Variants in PLCL2 observed in about 807,000 individuals in gnomAD.
PLCL2 encodes inactive phospholipase C-like protein 2.
Under a neutral mutation model 79.6 loss-of-function variants are expected in PLCL2, and 4 were observed. The observed-to-expected ratio is 0.05, with a 90% CI of 0.02 to 0.11. The LOEUF is 0.11. Ranked by LOEUF, PLCL2 falls within the 10% of genes least tolerant of loss-of-function variation. The probability of loss-of-function intolerance (pLI) is 1.00; values close to 1 mark genes in which losing one functional copy is unlikely to be tolerated. For synonymous variants in PLCL2, 484 were observed against 457.7 expected, an observed-to-expected ratio of 1.06 and a Z score of -0.73; for missense variants, 895 against 1,291.0, an observed-to-expected ratio of 0.69 and a Z score of 4.70.
rs970089323 is a variant in PLCL2, at chr3:16,886,608, G to A, written c.327+1242G>A. On this transcript the variant is annotated intron_variant, in intron 1 of 5. Coordinates refer to ENST00000615277, the MANE Select transcript of PLCL2 (RefSeq NM_001144382.2). This position sits in a 1 kb window ranked among gnomAD's most constrained non-coding sequence, Gnocchi z 4.2. Reference sequence around the variant, plus strand: ...ATCTGTTTGCGCAGTTTATGTCTGGGCAAGGACACAATTTGAAGGGTTTGG... The same window carrying A: ...ATCTGTTTGCGCAGTTTATGTCTGGACAAGGACACAATTTGAAGGGTTTGG... Among the ~76,000 whole-genome samples, 1 of 152,194 alleles carries A rather than the reference G, an allele frequency of 6.6e-6. No individual in the cohort carries two copies. The highest frequency in any genetic ancestry group is 2.4e-5 in the African/African-American group (1 of 41,448).
In PLCL2 at chr3:16,970,038, T is replaced by TTATATA. The variant is rs71266500; in HGVS notation, c.328-39620_328-39615dup. Among the ~76,000 whole-genome samples the TTATATA allele has an allele frequency of 2.2e-3, 305 of 135,880 alleles. 3 individuals are homozygous for TTATATA. The highest frequency in any genetic ancestry group is 7.6e-3 in the African/African-American group (280 of 36,916). 89.1% of individuals were successfully genotyped at this position (135,880 alleles called of 152,430 possible). On this transcript the variant is annotated intron_variant, in intron 1 of 5. Coordinates refer to ENST00000615277, the MANE Select transcript of PLCL2 (RefSeq NM_001144382.2). ...TTTGAATGATTGTCTTGGCTTTGAT[T>TTATATA]TATATATATATATATATATATTTTA...
chr3:16,945,251 C>G (rs1413692666), intron 1 of PLCL2, among the ~76,000 whole-genome samples: 1 of 151,912 alleles, frequency 6.6e-6, no homozygotes. Context: ...CACACACACA[C>G]ACACACACAC....
chr3:17,059,343 C>T (rs1479292385), intron 4 of PLCL2, among the ~76,000 whole-genome samples: 1 of 146,248 alleles, frequency 6.8e-6, no homozygotes, highest in Non-Finnish European at 1.5e-5. Context: ...TGCACCACTG[C>T]ACTCCAGCCT....
chr3:17,051,549 A>G (rs896202205), intron 4 of PLCL2, among the ~76,000 whole-genome samples: 1 of 152,182 alleles, frequency 6.6e-6, no homozygotes, highest in Admixed American at 6.5e-5. Flanking sequence ...GGGGGAAAAA[A>G]AAGTCACAGT....
intron 3 of PLCL2, among the ~76,000 whole-genome samples, chr3:17,035,180 G>C (rs567035860): frequency 6.6e-6 from 1 of 152,228 alleles, no homozygotes; most frequent in South Asian, 2.1e-4. Context: ...TGTACTCGAG[G>C]TTCTTAGACT....
intron 1 of PLCL2, among the ~76,000 whole-genome samples, chr3:17,001,903 A>G (rs976679287): frequency 4.6e-5 from 7 of 151,688 alleles, no homozygotes; most frequent in Non-Finnish European, 1.0e-4. Flanking sequence ...AATGTCATTG[A>G]TAAGTATTGC....
intron 3 of PLCL2, among the ~76,000 whole-genome samples, chr3:17,035,477 C>G (rs1315951434): frequency 6.6e-6 from 1 of 152,094 alleles, no homozygotes; most frequent in Non-Finnish European, 1.5e-5. Context: ...CCTTGGAGTC[C>G]TCCTCCATGT....
Position 17,011,806 on chromosome 3 carries a change from C to G in PLCL2, c.2460C>G (p.Asn820Lys). 6.2e-7 allele frequency: 1 copy of G among 1,614,202 alleles called. No homozygotes were observed. The highest frequency in any genetic ancestry group is 8.5e-7 in the Non-Finnish European group (1 of 1,180,024). Residue 820 changes from asparagine (N) to lysine (K), a missense_variant, in exon 2 of 6, where the codon AAC becomes AAG. Transcript: ENST00000615277. The surrounding 1 kb of genome is among the most constrained non-coding windows in gnomAD (Gnocchi z 7.9). ...ATGAAAGCTTTGAATTTCAAATCAA[C>G]CTGCCTGAACTGGCCATGGTGCGCT... is the stretch of plus-strand genomic sequence containing the variant. ...IFDESFEFQI[N>K]LPELAMVRFV... is the part of the protein sequence containing the mutation.
intron 1 of PLCL2, among the ~76,000 whole-genome samples, chr3:16,955,597 G>T (rs1447350968): frequency 1.3e-5 from 2 of 152,160 alleles, no homozygotes; most frequent in African/African-American, 4.8e-5. Context: ...GGATGGCATT[G>T]AATCTATAAA....
chr3:17,078,339 G>A (rs1053249607), intron 5 of PLCL2, among the ~76,000 whole-genome samples: 1 of 152,174 alleles, frequency 6.6e-6, no homozygotes, highest in African/African-American at 2.4e-5. Flanking sequence ...TGCTCCATGT[G>A]ATATTAGCTG....
intron 1 of PLCL2, among the ~76,000 whole-genome samples, chr3:16,997,495 C>T (rs1201557425): frequency 1.3e-5 from 2 of 150,198 alleles, no homozygotes; most frequent in African/African-American, 4.9e-5. Context: ...TTTTTCCAAT[C>T]TAATTGTCCC....
chr3:17,078,213 G>A (rs1489989707), intron 5 of PLCL2, among the ~76,000 whole-genome samples: 1 of 152,148 alleles, frequency 6.6e-6, no homozygotes, highest in Non-Finnish European at 1.5e-5. Flanking sequence ...CCCTTTAGTG[G>A]CTGTTTCGGT....
At chr3:17,058,965 A>T (rs1323402160) in intron 4 of PLCL2, among the ~76,000 whole-genome samples, 1 of 152,174 alleles carries the variant, frequency 6.6e-6, no homozygotes, top group Non-Finnish European at 1.5e-5. Context: ...GAGGGAGGGC[A>T]TGTAAATTGG....
chr3:17,048,551 T>A (rs2064806083), intron 4 of PLCL2, among the ~76,000 whole-genome samples: 1 of 152,222 alleles, frequency 6.6e-6, no homozygotes, highest in Non-Finnish European at 1.5e-5. Context: ...AGCCCATACA[T>A]GACGTCTTTC....
chr3:16,943,130 T>A (rs193174528), intron 1 of PLCL2, among the ~76,000 whole-genome samples: 154 of 152,354 alleles, frequency 1.0e-3, no homozygotes, highest in Non-Finnish European at 1.3e-3. Flanking sequence ...TGCTTTATTT[T>A]ATACTTCTGA....
chr3:16,910,932 T>A (rs927496768), intron 1 of PLCL2, among the ~76,000 whole-genome samples: 2 of 152,158 alleles, frequency 1.3e-5, no homozygotes, highest in Non-Finnish European at 2.9e-5. Flanking sequence ...CTAGTGATAG[T>A]GTGCTGTAAG....
At chr3:17,087,375 A>G (rs914888237) in intron 5 of PLCL2, among the ~76,000 whole-genome samples, 2 of 152,264 alleles carry the variant, frequency 1.3e-5, no homozygotes, top group Middle Eastern at 3.2e-3. Flanking sequence ...GGAAATTTAA[A>G]TGCATATTAC....
Position 17,085,534 on chromosome 3 carries a change from T to C in PLCL2, c.3205-4199T>C, listed in dbSNP as rs181155258. Among the ~76,000 whole-genome samples, 1,049 of 151,696 alleles carry C rather than the reference T, an allele frequency of 6.9e-3. 14 individuals are homozygous for C. Among genetic ancestry groups the C allele is most frequent in the African/African-American group, 0.022 (915 of 41,318 alleles). ...GGTGTGATCTCGGCTCACTGCAAGC[T>C]CCACCTCCTGGGTTCACGCCATTCT... On this transcript the variant is annotated intron_variant, in intron 5 of 5. Coordinates refer to ENST00000615277, the MANE Select transcript of PLCL2 (RefSeq NM_001144382.2).
intron 1 of PLCL2, among the ~76,000 whole-genome samples, chr3:16,966,012 T>C (rs1029064484): frequency 7.9e-5 from 12 of 152,216 alleles, no homozygotes; most frequent in South Asian, 6.2e-4. Context: ...CCTTTATTTC[T>C]TTCTCCTGCC....
Sources: gnomAD v4.1 joint callset for allele counts (sites outside exome capture counted in the v4.1 genomes callset) on GRCh38, gnomAD v4.1.1 for gene constraint, Gnocchi (gnomAD v3.1) non-coding constraint, MANE v1.5 for transcripts, NCBI Gene and HGNC (gene_info 2026-07-23, HGNC 2026-07-21) for gene names.